The following NFATC1 variants were observed in gnomAD, a reference collection of about 807,000 sequenced individuals.
The protein encoded by NFATC1 is nuclear factor of activated T-cells, cytoplasmic 1.
In NFATC1, 22 loss-of-function variants were observed where a neutral mutation model predicts 76.0. The observed-to-expected ratio is 0.29, with a 90% CI of 0.21 to 0.41. The LOEUF is 0.41. Among genes scored for constraint, NFATC1 ranks in the 10% least tolerant of loss-of-function variants. The probability of loss-of-function intolerance (pLI) is 1.00; values close to 1 mark genes in which losing one functional copy is unlikely to be tolerated. For missense variants in NFATC1, 1,357 were observed against 1,337.7 expected (o/e 1.01, Z -0.23); for synonymous variants, 704 against 613.1 (o/e 1.15, Z -2.19).
intron 1 of NFATC1, among the ~76,000 whole-genome samples, chr18:79,409,336 CCATCCATCCATCCATCCATCATCATT>C (rs1260991078): frequency 3.2e-5 from 1 of 31,092 alleles, no homozygotes; most frequent in Non-Finnish European, 1.3e-4. Flanking sequence ...ATTCATTCAT[CCATCCATCCATCCATCCATCATCATT>C]CATCCATCCA....
chr18:79,520,943 A>G (rs1217254319), intron 9 of NFATC1, among the ~76,000 whole-genome samples: 1 of 85,886 alleles, frequency 1.2e-5, no homozygotes, highest in African/African-American at 4.8e-5. Context: ...GGGAGCATCC[A>G]CTGATGTGTG....
At chr18:79,482,026 G>A (rs1485725582) in intron 8 of NFATC1, among the ~76,000 whole-genome samples, 3 of 144,622 alleles carry the variant, frequency 2.1e-5, no homozygotes, top group Non-Finnish European at 4.5e-5. Flanking sequence ...CCTGGTTCCT[G>A]GGGTGTCATT....
At chr18:79,462,248 ACGT>A (rs2088145898) in intron 7 of NFATC1, among the ~76,000 whole-genome samples, 1 of 152,146 alleles carries the variant, frequency 6.6e-6, no homozygotes, top group African/African-American at 2.4e-5. Context: ...CTTGGAGGCA[ACGT>A]CTTCTTGGGT....
intron 9 of NFATC1, among the ~76,000 whole-genome samples, chr18:79,512,324 C>T (rs746806875): frequency 1.3e-5 from 2 of 152,198 alleles, no homozygotes; most frequent in African/African-American, 4.8e-5. Flanking sequence ...ATCCTGGCAC[C>T]ACCTGGCACT....
chr18:79,400,143 GC>G, intron 1 of NFATC1: 2 of 1,000,254 alleles, frequency 2.0e-6, no homozygotes, highest in Non-Finnish European at 1.2e-6. Context: ...GCGCGAGGGG[GC>G]GGGGGCGGGG....
intron 1 of NFATC1, among the ~76,000 whole-genome samples, chr18:79,402,124 G>A (rs576360964): frequency 3.9e-5 from 6 of 152,368 alleles, no homozygotes; most frequent in East Asian, 1.9e-4. Flanking sequence ...CCGTGCACAC[G>A]TGACTGTGCG....
At chr18:79,453,541 G>A (rs546865267) in intron 6 of NFATC1, among the ~76,000 whole-genome samples, 11 of 152,346 alleles carry the variant, frequency 7.2e-5, no homozygotes, top group Middle Eastern at 3.4e-3. Flanking sequence ...TCAGCAGGCC[G>A]GAGGGGTACC....
intron 1 of NFATC1, among the ~76,000 whole-genome samples, chr18:79,403,661 C>T (rs964768774): frequency 4.6e-5 from 7 of 152,268 alleles, no homozygotes; most frequent in Non-Finnish European, 7.3e-5. Flanking sequence ...GGCCACCCTC[C>T]GAACCTCTGT....
intron 3 of NFATC1, among the ~76,000 whole-genome samples, chr18:79,435,320 G>A (rs182815784): frequency 1.7e-3 from 231 of 134,398 alleles, no homozygotes; most frequent in Non-Finnish European, 3.2e-3. Context: ...AGAGCTCTGA[G>A]GTTTCTGTTT....
At position 79,492,860 on chromosome 18, in the gene NFATC1, C is replaced by T. The variant is rs371530270; in HGVS notation, c.2782+5923C>T. On this transcript the variant is annotated intron_variant, in intron 9 of 9. Transcript: ENST00000427363. The stretch of plus-strand genomic sequence containing the variant: ...CTGCACTCCAGCCTGGGTGACAAAG[C>T]GAGACTCCATCTCAAAAAAAAAAAA... 1.4e-3 allele frequency among the ~76,000 whole-genome samples: 198 copies of T among 137,986 alleles called. 1 individual carries two copies. Among genetic ancestry groups the T allele is most frequent in the South Asian group, 0.01 (44 of 4,384 alleles). 90.5% of individuals were successfully genotyped at this position (137,986 alleles called of 152,430 possible).
chr18:79,487,042 C>T, intron 9 of NFATC1, 105 bp downstream of exon 9: 1 of 1,300,846 alleles, frequency 7.7e-7, no homozygotes, highest in Non-Finnish European at 1.0e-6. Context: ...TGGAAGTGCA[C>T]CGAGGCACCG....
At chr18:79,485,793 C>T (rs1438267329) in intron 8 of NFATC1, among the ~76,000 whole-genome samples, 1 of 152,250 alleles carries the variant, frequency 6.6e-6, no homozygotes, top group Non-Finnish European at 1.5e-5. Context: ...TCTCCTGGAG[C>T]AGTCGTTCAC....
At position 79,396,216 on chromosome 18, in the gene NFATC1, G is replaced by T; in HGVS notation, c.-9G>T. The T allele has an allele frequency of 1.4e-6, 2 of 1,475,668 alleles. No homozygotes were observed. Among genetic ancestry groups the T allele is most frequent in the South Asian group, 1.3e-5 (1 of 79,920 alleles). 91.4% of individuals were successfully genotyped at this position (1,475,668 alleles called of 1,614,324 possible). A position where few individuals can be genotyped will look rare whatever the true frequency, so the allele number is the denominator to read the frequency against. On this transcript the variant is annotated 5_prime_UTR_variant, in exon 1 of 10. Coordinates refer to ENST00000427363, the MANE Select transcript of NFATC1 (RefSeq NM_001278669.2). ...GCCCGCCGCTCCACTCCCCGCCGCC[G>T]CCGCGCGGATGCCAAGCACCAGCTT...
intron 1 of NFATC1, among the ~76,000 whole-genome samples, chr18:79,405,049 G>C (rs1207434514): frequency 1.3e-5 from 2 of 152,190 alleles, no homozygotes; most frequent in East Asian, 1.9e-4. Flanking sequence ...GAGGCCAGTG[G>C]GACTAGGCTG....
At chr18:79,444,204 T>C (rs1437927331) in intron 3 of NFATC1, among the ~76,000 whole-genome samples, 4 of 151,582 alleles carry the variant, frequency 2.6e-5, no homozygotes, top group African/African-American at 4.9e-5. Flanking sequence ...TGTGTGTGTG[T>C]GCGTGTGTGT....
intron 8 of NFATC1, among the ~76,000 whole-genome samples, chr18:79,474,880 A>G (rs1175287976): frequency 6.3e-5 from 9 of 142,598 alleles, no homozygotes; most frequent in African/African-American, 1.6e-4. Context: ...TCTCACGCTC[A>G]CTGTCGACGT....
rs2086675561 is a variant in NFATC1 at position 79,433,683 on chromosome 18, C to T, written c.1331C>T (p.Thr444Met). 2.5e-6 allele frequency: 4 copies of T among 1,611,906 alleles called. No individual in the cohort carries two copies. The highest frequency in any genetic ancestry group is 2.5e-6 in the Non-Finnish European group (3 of 1,178,856). ...TCCCACCACCGAGCCCACTACGAGACGGAGGGCAGCCGGGGGGCCGTGAAG... is the reference window on the plus strand; with the variant it reads ...TCCCACCACCGAGCCCACTACGAGATGGAGGGCAGCCGGGGGGCCGTGAAG... The part of the protein sequence containing the change: ...PKSHHRAHYE[T>M]EGSRGAVKAS... Residue 444 changes from threonine (T) to methionine (M), a missense_variant, in exon 3 of 10, where the codon ACG becomes ATG. Transcript: ENST00000427363.
intron 2 of NFATC1, among the ~76,000 whole-genome samples, chr18:79,425,444 G>C (rs2086293130): frequency 6.6e-6 from 1 of 152,246 alleles, no homozygotes; most frequent in African/African-American, 2.4e-5. Context: ...GGCGGGTGTG[G>C]CCCTGCCGAG....
At chr18:79,419,149 G>C (rs561650549) in intron 2 of NFATC1, among the ~76,000 whole-genome samples, 1 of 152,074 alleles carries the variant, frequency 6.6e-6, no homozygotes, top group Non-Finnish European at 1.5e-5. Context: ...TCAGCCTGCC[G>C]AGTAGCTGGG....
Sources: gnomAD v4.1 joint callset for allele counts (sites outside exome capture counted in the v4.1 genomes callset) on GRCh38, gnomAD v4.1.1 for gene constraint, MANE v1.5 for transcripts, NCBI Gene and HGNC (gene_info 2026-07-23, HGNC 2026-07-21) for gene names.